The following MCF2L2 variants were observed in gnomAD, a reference collection of about 807,000 sequenced individuals.
The protein encoded by MCF2L2 is MCF.2 cell line derived transforming sequence-like 2.
Under a neutral mutation model 150.2 loss-of-function variants are expected in MCF2L2, and 102 were observed. The ratio of observed to expected loss-of-function variants is 0.68; its 90% CI spans 0.58 to 0.80. The LOEUF is 0.80. Among genes scored for constraint, MCF2L2 ranks in the 30% least tolerant of loss-of-function variants. The probability of loss-of-function intolerance (pLI) is 0.00; values close to 1 mark genes in which losing one functional copy is unlikely to be tolerated. For synonymous variants in MCF2L2, 465 were observed against 491.3 expected (o/e 0.95, Z 0.71); for missense variants, 1,256 against 1,372.8 (o/e 0.91, Z 1.34).
At chr3:183,210,731 G>A (rs1003707584) in intron 22 of MCF2L2, among the ~76,000 whole-genome samples, 2 of 152,166 alleles carry the variant, frequency 1.3e-5, no homozygotes, top group Non-Finnish European at 2.9e-5. Flanking sequence ...CAAGGCTATT[G>A]TAGAGGAAAC....
In MCF2L2 at chr3:183,322,425, C is replaced by T. The variant is rs114813652; in HGVS notation, c.603+810G>A. On this transcript the variant is annotated intron_variant, in intron 6 of 29. Transcript: ENST00000328913. ...GTAAGGTGTTCAGCGGAGTCCCTGACGACCCACCAGATACCAGTTAACTTT... is the reference window on the plus strand; with the variant it reads ...GTAAGGTGTTCAGCGGAGTCCCTGATGACCCACCAGATACCAGTTAACTTT... 9.5e-4 allele frequency among the ~76,000 whole-genome samples: 144 copies of T among 152,214 alleles called. 1 individual carries two copies. Among genetic ancestry groups the T allele is most frequent in the Non-Finnish European group, 1.7e-3 (117 of 68,028 alleles).
At chr3:183,401,366 A>ATAG (rs1241208360) in intron 1 of MCF2L2, among the ~76,000 whole-genome samples, 2 of 152,236 alleles carry the variant, frequency 1.3e-5, no homozygotes, top group Non-Finnish European at 1.5e-5. Context: ...ATTCAAGCTA[A>ATAG]AATTTCAGAG....
rs781395171 is a variant in MCF2L2, at chr3:183,180,085, T to G, written c.3091A>C (p.Ser1031Arg). ...GAAGTAATTACACTCAGAGCACTGC[T>G]CTCCTTTTCCATGTCTTCTGCGCCT... ...CEGAEDMEKE[S>R]SALSLAGLFQ... is the part of the protein sequence containing the mutation. The change falls in exon 28 of 30, where the codon AGC becomes CGC. Residue 1031 changes from serine to arginine, a missense_variant. Physicochemically the swap from Ser to Arg is moderately radical, Grantham distance 110 (BLOSUM62 -1). Coordinates refer to ENST00000328913, the MANE Select transcript of MCF2L2 (RefSeq NM_015078.4). 3 of 1,613,730 alleles carry G rather than the reference T, an allele frequency of 1.9e-6. No individual in the cohort carries two copies. The highest frequency in any genetic ancestry group is 1.7e-6 in the Non-Finnish European group (2 of 1,179,642).
intron 6 of MCF2L2, 25 bp from the exon 7 acceptor site, chr3:183,318,242 A>G: frequency 6.2e-7 from 1 of 1,613,612 alleles, no homozygotes; most frequent in East Asian, 2.2e-5. Context: ...AATTGTAACA[A>G]TATGGAGAGA....
chr3:183,353,230 T>C (rs757378298), intron 3 of MCF2L2, among the ~76,000 whole-genome samples: 1 of 152,158 alleles, frequency 6.6e-6, no homozygotes, highest in Non-Finnish European at 1.5e-5. Flanking sequence ...ACTGAAGCTT[T>C]AGGAATCAGC....
In MCF2L2 at chr3:183,300,039, C is replaced by G. The variant is rs1728756269; in HGVS notation, c.1271G>C (p.Gly424Ala). The change falls in exon 11 of 30, where the codon GGA (glycine) becomes GCA (alanine). Residue 424 changes from glycine (G) to alanine (A), a missense_variant. Coordinates refer to ENST00000328913, the MANE Select transcript of MCF2L2 (RefSeq NM_015078.4). ...CTGTCTATGAAACTCTAAGGACTTTCCTAAAATGTCCCATTTTTTCTTGTT... is the reference window on the plus strand; with the variant it reads ...CTGTCTATGAAACTCTAAGGACTTTGCTAAAATGTCCCATTTTTTCTTGTT... ...NGNKKKWDIL[G>A]KSLEFHRQLD... is the part of the protein sequence containing the mutation. 1 of 1,613,746 alleles carries G rather than the reference C, an allele frequency of 6.2e-7. No individual in the cohort carries two copies. Among genetic ancestry groups the G allele is most frequent in the African/African-American group, 1.3e-5 (1 of 74,890 alleles).
intron 1 of MCF2L2, among the ~76,000 whole-genome samples, chr3:183,422,645 G>A (rs59296500): frequency 0.037 from 5,684 of 152,186 alleles, 374 homozygotes; most frequent in African/African-American, 0.13. Flanking sequence ...TCCTGGCAAG[G>A]GACTATATCC....
At chr3:183,407,901 C>T (rs773311129) in intron 1 of MCF2L2, among the ~76,000 whole-genome samples, 8 of 152,036 alleles carry the variant, frequency 5.3e-5, no homozygotes, top group South Asian at 4.1e-4. Flanking sequence ...ACCCTCTTCA[C>T]GGCGGGGGAG....
chr3:183,266,172 A>T (rs1318072827), intron 15 of MCF2L2: 1 of 152,234 alleles, frequency 6.6e-6, no homozygotes, highest in African/African-American at 2.4e-5. Flanking sequence ...ACCTTTAATG[A>T]GTCAGATAGA....
At chr3:183,249,133 A>G (rs1353900567) in intron 15 of MCF2L2, among the ~76,000 whole-genome samples, 1 of 152,220 alleles carries the variant, frequency 6.6e-6, no homozygotes, top group African/African-American at 2.4e-5. Context: ...TTCCTACAAA[A>G]ATGTCACTCC....
chr3:183,425,441 T>TC (rs113416087), intron 1 of MCF2L2, among the ~76,000 whole-genome samples: 1 of 151,860 alleles, frequency 6.6e-6, no homozygotes, highest in African/African-American at 2.4e-5. Context: ...TCTCAAACCT[T>TC]CCCCAACTCA....
intron 27 of MCF2L2, among the ~76,000 whole-genome samples, chr3:183,187,986 A>G (rs1721755329): frequency 2.0e-5 from 3 of 152,174 alleles, no homozygotes; most frequent in African/African-American, 7.2e-5. Flanking sequence ...AACGGGTCCT[A>G]GTCGTGGTGA....
chr3:183,408,988 TTTTG>T lies in MCF2L2; in HGVS notation c.76+18910_76+18913del, dbSNP rs1476611842. ...TATAACTTTATTAGATTATTAGACTTTTTGTTTGTTTAAGACTCTAGTGCTTAGC... is the reference window on the plus strand; with the variant it reads ...TATAACTTTATTAGATTATTAGACTTTTTGTTTAAGACTCTAGTGCTTAGC... On this transcript the variant is annotated intron_variant, in intron 1 of 29. Transcript: ENST00000328913. 1.4e-4 allele frequency among the ~76,000 whole-genome samples: 21 copies of T among 152,326 alleles called. 1 individual carries two copies. Among genetic ancestry groups the T allele is most frequent in the African/African-American group, 1.2e-4 (5 of 41,582 alleles).
chr3:183,373,392 T>C (rs1447869210), intron 3 of MCF2L2: 1 of 152,180 alleles, frequency 6.6e-6, no homozygotes. Context: ...CTCAAGAAAT[T>C]GAATCTTTTT....
At chr3:183,301,938 A>G (rs1465930263) in intron 10 of MCF2L2, among the ~76,000 whole-genome samples, 1 of 152,184 alleles carries the variant, frequency 6.6e-6, no homozygotes, top group Admixed American at 6.5e-5. Flanking sequence ...ATGGTTCATG[A>G]TCCCTGAACT....
intron 14 of MCF2L2, among the ~76,000 whole-genome samples, chr3:183,279,714 G>A (rs1727365783): frequency 6.6e-6 from 1 of 152,198 alleles, no homozygotes; most frequent in Admixed American, 6.5e-5. Flanking sequence ...AAAAAAGATT[G>A]CTGATCACAG....
At chr3:183,231,328 A>C (rs897611241) in intron 15 of MCF2L2, 6 of 508,208 alleles carry the variant, frequency 1.2e-5, no homozygotes, top group Admixed American at 9.2e-5. Context: ...GAGATGTTGG[A>C]GTCAGAAATA....
chr3:183,276,727 A>T, intron 15 of MCF2L2, 145 bp downstream of exon 15: 1 of 498,050 alleles, frequency 2.0e-6, no homozygotes, highest in Non-Finnish European at 3.5e-6. Context: ...TTTTGTTCTC[A>T]GGTACATAAA....
In MCF2L2 at chr3:183,242,414, G is replaced by C. The variant is rs112618717; in HGVS notation, c.1863-11397C>G. Among the ~76,000 whole-genome samples, 667 of 152,292 alleles carry C rather than the reference G, an allele frequency of 4.4e-3. 3 individuals are homozygous for C. Among genetic ancestry groups the C allele is most frequent in the African/African-American group, 0.015 (639 of 41,574 alleles). On this transcript the variant is annotated intron_variant, in intron 15 of 29. Transcript: ENST00000328913. The stretch of plus-strand genomic sequence containing the variant: ...AAAAGTGGTTTTGTGGGCCCAGCCC[G>C]GGGACCCCTGCTCTATGCAGTCTAG...
Sources: gnomAD v4.1 joint callset for allele counts (sites outside exome capture counted in the v4.1 genomes callset) on GRCh38, gnomAD v4.1.1 for gene constraint, MANE v1.5 for transcripts, NCBI Gene and HGNC (gene_info 2026-07-23, HGNC 2026-07-21) for gene names.